PCDHGA12: variants seen among roughly 807,000 people sequenced by gnomAD.
PCDHGA12 encodes protocadherin gamma-A12.
Under a neutral mutation model 61.1 loss-of-function variants are expected in PCDHGA12, and 43 were observed. That is an observed-to-expected ratio of 0.70 (90% CI 0.55 to 0.91). PCDHGA12 has a LOEUF of 0.91. Ranked by LOEUF, PCDHGA12 falls within the 40% of genes least tolerant of loss-of-function variation. The pLI is 0.00. For missense variants in PCDHGA12, 1,236 were observed against 1,227.7 expected, an observed-to-expected ratio of 1.01 and a Z score of -0.10; for synonymous variants, 520 against 542.9, an observed-to-expected ratio of 0.96 and a Z score of 0.59.
rs2099727742 is a variant in PCDHGA12 at position 141,491,740 on chromosome 5, G to C, written c.2425-3067G>C. On this transcript the variant is annotated intron_variant, in intron 1 of 3. Coordinates refer to ENST00000252085, the MANE Select transcript of PCDHGA12 (RefSeq NM_003735.3). The surrounding 1 kb of genome is among the most constrained non-coding windows in gnomAD (Gnocchi z 6.9). Reference sequence around the variant, plus strand: ...GCCGCCCCGGGCGACCCCTGGGGGCGGCACTGGAGAAGCCGCCCGTCCTCA... The same window carrying C: ...GCCGCCCCGGGCGACCCCTGGGGGCCGCACTGGAGAAGCCGCCCGTCCTCA... The C allele has an allele frequency of 6.3e-7, 1 of 1,597,622 alleles. No homozygotes were observed. The highest frequency in any genetic ancestry group is 8.5e-7 in the Non-Finnish European group (1 of 1,173,228).
chr5:141,450,556 G>A lies in PCDHGA12; in HGVS notation c.2424+17373G>A, dbSNP rs534127421. Among the ~76,000 whole-genome samples, 5 of 151,822 alleles carry A rather than the reference G, an allele frequency of 3.3e-5. 1 individual carries two copies. Among genetic ancestry groups the A allele is most frequent in the South Asian group, 2.1e-4 (1 of 4,804 alleles). On this transcript the variant is annotated intron_variant, in intron 1 of 3. Transcript: ENST00000252085. ...GGCTGGAATGCAGTGGCGCAGTCTCGGCTCACTGCAACTTCTGCCTCCCAG... is the reference window on the plus strand; with the variant it reads ...GGCTGGAATGCAGTGGCGCAGTCTCAGCTCACTGCAACTTCTGCCTCCCAG...
chr5:141,432,133 C>T lies in PCDHGA12; in HGVS notation c.1374C>T (p.Ser458=), dbSNP rs1468632362. The stretch of plus-strand genomic sequence containing the variant: ...CGGTCTTCCCTCAGGCCTCCTATTC[C>T]GCTTATATCCCAGAGAACAATCCCA... ...NPPVFPQASY[S]AYIPENNPRG... The change falls in exon 1 of 4, where the codon TCC becomes TCT. Residue 458 remains serine (S), a synonymous_variant. Transcript: ENST00000252085. This position sits in a 1 kb window ranked among gnomAD's most constrained non-coding sequence, Gnocchi z 6.0. 9 of 1,614,142 alleles carry T rather than the reference C, an allele frequency of 5.6e-6. No homozygotes were observed. The highest frequency in any genetic ancestry group is 1.6e-4 in the Middle Eastern group (1 of 6,062).
intron 1 of PCDHGA12, among the ~76,000 whole-genome samples, chr5:141,472,815 C>T (rs1562036829): frequency 1.3e-5 from 2 of 151,596 alleles, no homozygotes; most frequent in East Asian, 1.9e-4. Flanking sequence ...GAGAAACCCC[C>T]GTCTCTACTA....
rs1055747392 is a variant in PCDHGA12 at position 141,490,298 on chromosome 5, C to G, written c.2425-4509C>G. 6.2e-7 allele frequency: 1 copy of G among 1,614,178 alleles called. No individual in the cohort carries two copies. The highest frequency in any genetic ancestry group is 1.3e-5 in the African/African-American group (1 of 75,036). On this transcript the variant is annotated intron_variant, in intron 1 of 3. Transcript: ENST00000252085. The surrounding 1 kb of genome is among the most constrained non-coding windows in gnomAD (Gnocchi z 5.4). ...GACAATGCCCCAGAGGTGCTATTGG[C>G]CTCTTTGGCCAACCCTGTCCTAGAG...
At chr5:141,497,050 G>T (rs113054804) in intron 2 of PCDHGA12, among the ~76,000 whole-genome samples, 5,544 of 152,084 alleles carry the variant, frequency 0.036, 137 homozygotes, top group South Asian at 0.074. Context: ...TTAGCCAGGC[G>T]TGGTGGCAGG....
Position 141,477,265 on chromosome 5 carries a change from G to T in PCDHGA12, c.2425-17542G>T. On this transcript the variant is annotated intron_variant, in intron 1 of 3. Coordinates refer to ENST00000252085, the MANE Select transcript of PCDHGA12 (RefSeq NM_003735.3). The surrounding 1 kb of genome is among the most constrained non-coding windows in gnomAD (Gnocchi z 4.9). ...GTGTGACTGACCTGGATGCTGGCGA[G>T]AACGGGCTGGTGACCTGCGAAGTTC... 6.2e-7 allele frequency: 1 copy of T among 1,614,198 alleles called. No individual in the cohort carries two copies. Among genetic ancestry groups the T allele is most frequent in the Non-Finnish European group, 8.5e-7 (1 of 1,180,044 alleles).
At chr5:141,502,887 G>T (rs2099816882) in intron 2 of PCDHGA12, among the ~76,000 whole-genome samples, 1 of 40,910 alleles carries the variant, frequency 2.4e-5, no homozygotes, top group Non-Finnish European at 4.5e-5. Context: ...TTTTGACAGG[G>T]AGTCTAGCTC....
chr5:141,497,414 C>A (rs1021294577), intron 2 of PCDHGA12, among the ~76,000 whole-genome samples: 34 of 152,066 alleles, frequency 2.2e-4, no homozygotes, highest in Admixed American at 2.0e-3. Flanking sequence ...CCCATTCCAT[C>A]AAATGAGAGG....
At chr5:141,451,624 G>A (rs1016417101) in intron 1 of PCDHGA12, among the ~76,000 whole-genome samples, 3 of 152,150 alleles carry the variant, frequency 2.0e-5, no homozygotes, top group African/African-American at 7.2e-5. Context: ...GCTCAAACCT[G>A]TAATTCCAGC....
rs1296142784 is a variant in PCDHGA12 at position 141,431,302 on chromosome 5, C to T, written c.543C>T (p.Ile181=). ...ELSPNTHFSL[I]VQNGADGSKY... is the part of the protein sequence containing the mutation. ...GCCCGAACACTCACTTCTCCCTCAT[C>T]GTGCAAAATGGAGCCGACGGTAGTA... is the stretch of plus-strand genomic sequence containing the variant. The change falls in exon 1 of 4, where the codon ATC becomes ATT. Residue 181 remains isoleucine (I), a synonymous_variant. Coordinates refer to ENST00000252085, the MANE Select transcript of PCDHGA12 (RefSeq NM_003735.3). This position sits in a 1 kb window ranked among gnomAD's most constrained non-coding sequence, Gnocchi z 4.8. 2 of 1,614,028 alleles carry T rather than the reference C, an allele frequency of 1.2e-6. No individual in the cohort carries two copies. Among genetic ancestry groups the T allele is most frequent in the African/African-American group, 1.3e-5 (1 of 74,946 alleles).
At chr5:141,465,488 G>A (rs2099104080) in intron 1 of PCDHGA12, among the ~76,000 whole-genome samples, 1 of 152,224 alleles carries the variant, frequency 6.6e-6, no homozygotes. Flanking sequence ...AGAGGAATGA[G>A]CGGGAGCATT....
chr5:141,497,919 T>G (rs762168347), intron 2 of PCDHGA12, among the ~76,000 whole-genome samples: 11 of 152,206 alleles, frequency 7.2e-5, no homozygotes, highest in Non-Finnish European at 1.6e-4. Flanking sequence ...TCTCCTTCAT[T>G]CATTCAACAA....
intron 1 of PCDHGA12, among the ~76,000 whole-genome samples, chr5:141,468,193 C>T (rs2099159672): frequency 6.6e-6 from 1 of 151,600 alleles, no homozygotes; most frequent in Non-Finnish European, 1.5e-5. Flanking sequence ...GGCATGGTGG[C>T]GGGTGCCTGT....
rs765743251 is a variant in PCDHGA12 at position 141,476,488 on chromosome 5, G to A, written c.2425-18319G>A. ...TGGAGCTGTTCAGCGTGGAAGTGGTGATCCAGGACATCAACGACAACAATC... is the reference window on the plus strand; with the variant it reads ...TGGAGCTGTTCAGCGTGGAAGTGGTAATCCAGGACATCAACGACAACAATC... On this transcript the variant is annotated intron_variant, in intron 1 of 3. Coordinates refer to ENST00000252085, the MANE Select transcript of PCDHGA12 (RefSeq NM_003735.3). This position sits in a 1 kb window ranked among gnomAD's most constrained non-coding sequence, Gnocchi z 7.6. 4 of 1,613,932 alleles carry A rather than the reference G, an allele frequency of 2.5e-6. No homozygotes were observed. Among genetic ancestry groups the A allele is most frequent in the Non-Finnish European group, 3.4e-6 (4 of 1,180,016 alleles).
intron 1 of PCDHGA12, among the ~76,000 whole-genome samples, chr5:141,465,090 A>G (rs566511602): frequency 6.7e-6 from 1 of 149,576 alleles, no homozygotes; most frequent in Admixed American, 6.7e-5. Flanking sequence ...TCATTTTTCT[A>G]GTAGTTTTTT....
chr5:141,469,834 T>C (rs1228732202), intron 1 of PCDHGA12, among the ~76,000 whole-genome samples: 4 of 152,068 alleles, frequency 2.6e-5, no homozygotes, highest in African/African-American at 9.7e-5. Context: ...ACATAAAACT[T>C]ATTCTTAAGA....
chr5:141,481,071 A>G (rs887828386), intron 1 of PCDHGA12, among the ~76,000 whole-genome samples: 19 of 152,172 alleles, frequency 1.2e-4, no homozygotes, highest in African/African-American at 4.6e-4. Context: ...AACAAAAAGA[A>G]AGAAAGAAAA....
At chr5:141,475,987 C>A in intron 1 of PCDHGA12, 2 of 1,101,540 alleles carry the variant, frequency 1.8e-6, no homozygotes, top group Non-Finnish European at 2.6e-6. Flanking sequence ...AGCCGGCGAG[C>A]AAATCAACGG....
In PCDHGA12 at chr5:141,431,320, C is replaced by A. The variant is rs993831541; in HGVS notation, c.561C>A (p.Asp187Glu). ...CCCTCATCGTGCAAAATGGAGCCGA[C>A]GGTAGTAAGTACCCCGAATTGGTGC... ...HFSLIVQNGA[D>E]GSKYPELVLK... The change falls in exon 1 of 4, where the codon GAC becomes GAA. Residue 187 changes from aspartate (D) to glutamate (E), a missense_variant. Transcript: ENST00000252085. This position sits in a 1 kb window ranked among gnomAD's most constrained non-coding sequence, Gnocchi z 4.8. 1 of 1,614,102 alleles carries A rather than the reference C, an allele frequency of 6.2e-7. No individual in the cohort carries two copies. The highest frequency in any genetic ancestry group is 1.7e-5 in the Admixed American group (1 of 60,032).
Sources: allele counts gnomAD v4.1 joint callset (sites outside exome capture counted in the v4.1 genomes callset), GRCh38; gene constraint gnomAD v4.1.1; non-coding constraint Gnocchi (gnomAD v3.1); transcripts MANE v1.5; gene names NCBI Gene and HGNC (gene_info 2026-07-23, HGNC 2026-07-21).